Variants in ZNF385D observed in about 807,000 individuals in gnomAD.
ZNF385D encodes the protein zinc finger protein 385D.
In ZNF385D, 15 loss-of-function variants were observed where a neutral mutation model predicts 35.8. That is an observed-to-expected ratio of 0.42 (90% CI 0.28 to 0.64). The LOEUF is 0.64. ZNF385D is among the 30% of genes least tolerant of loss of function. ZNF385D has a pLI of 0.23. For missense variants in ZNF385D, 474 were observed against 494.6 expected, an observed-to-expected ratio of 0.96 and a Z score of 0.39; for synonymous variants, 212 against 186.8, an observed-to-expected ratio of 1.13 and a Z score of -1.10.
At chr3:22,123,224 G>C (rs1422028242) in intron 3 of ZNF385D, among the ~76,000 whole-genome samples, 2 of 152,106 alleles carry the variant, frequency 1.3e-5, no homozygotes, top group South Asian at 2.1e-4. Context: ...AAGCGGGGGA[G>C]ACTGAATTAC....
intron 2 of ZNF385D, among the ~76,000 whole-genome samples, chr3:22,371,065 G>A (rs984036779): frequency 1.3e-5 from 2 of 152,192 alleles, no homozygotes; most frequent in Non-Finnish European, 2.9e-5. Context: ...GGAAAGAAAT[G>A]TGAAGAAATT....
At chr3:22,110,667 T>A (rs1464220805) in intron 3 of ZNF385D, among the ~76,000 whole-genome samples, 1 of 151,674 alleles carries the variant, frequency 6.6e-6, no homozygotes, top group African/African-American at 2.4e-5. Flanking sequence ...AGGGACAGCA[T>A]TTGGAGATAC....
intron 4 of ZNF385D, among the ~76,000 whole-genome samples, chr3:21,472,245 T>C (rs933295159): frequency 2.0e-5 from 3 of 152,224 alleles, no homozygotes; most frequent in East Asian, 1.9e-4. Flanking sequence ...TTTAGAGTTA[T>C]ACAAAATAAA....
intron 2 of ZNF385D, among the ~76,000 whole-genome samples, chr3:22,172,065 G>C (rs1038018572): frequency 2.0e-5 from 3 of 152,102 alleles, no homozygotes; most frequent in African/African-American, 7.2e-5. Flanking sequence ...AAGTTCAGCA[G>C]TCATACATAA....
At chr3:21,811,338 G>A (rs889825934) in intron 3 of ZNF385D, among the ~76,000 whole-genome samples, 1 of 152,054 alleles carries the variant, frequency 6.6e-6, no homozygotes, top group Admixed American at 6.5e-5. Flanking sequence ...TGAATTTCAG[G>A]ACTGGGAGAG....
chr3:21,938,018 G>A (rs902882753), intron 3 of ZNF385D, among the ~76,000 whole-genome samples: 12 of 152,248 alleles, frequency 7.9e-5, no homozygotes, highest in African/African-American at 2.6e-4. Flanking sequence ...AACACAGTGC[G>A]AAATCTCTAC....
intron 3 of ZNF385D, among the ~76,000 whole-genome samples, chr3:22,099,262 T>C (rs1453452045): frequency 2.0e-5 from 3 of 152,202 alleles, no homozygotes; most frequent in African/African-American, 4.8e-5. Context: ...CCCACATATA[T>C]AAATACATCT....
At chr3:21,824,111 G>A (rs188515176) in intron 3 of ZNF385D, among the ~76,000 whole-genome samples, 83 of 152,126 alleles carry the variant, frequency 5.5e-4, no homozygotes, top group Admixed American at 8.5e-4. Flanking sequence ...CAACTGAAAA[G>A]AGATGACAAA....
At chr3:21,616,262 C>T (rs996166852) in intron 2 of ZNF385D, among the ~76,000 whole-genome samples, 4 of 152,020 alleles carry the variant, frequency 2.6e-5, no homozygotes, top group African/African-American at 4.8e-5. Flanking sequence ...TTTGAGAATC[C>T]GGGGTGACTA....
intron 3 of ZNF385D, among the ~76,000 whole-genome samples, chr3:21,838,570 G>A (rs980172783): frequency 1.3e-5 from 2 of 152,040 alleles, no homozygotes; most frequent in African/African-American, 4.8e-5. Context: ...AACAATAGCG[G>A]CTTTGAGTGT....
intron 3 of ZNF385D, among the ~76,000 whole-genome samples, chr3:22,064,351 T>A (rs1699829198): frequency 6.6e-6 from 1 of 152,130 alleles, no homozygotes; most frequent in Admixed American, 6.5e-5. Context: ...TGCATGGTGA[T>A]TTTGGGACAA....
intron 3 of ZNF385D, among the ~76,000 whole-genome samples, chr3:21,803,268 G>T (rs1317034221): frequency 6.6e-6 from 1 of 152,112 alleles, no homozygotes; most frequent in African/African-American, 2.4e-5. Flanking sequence ...AGGAAAACTG[G>T]TGTGCCCAAA....
At chr3:21,900,206 A>G (rs745406106) in intron 3 of ZNF385D, among the ~76,000 whole-genome samples, 1 of 152,224 alleles carries the variant, frequency 6.6e-6, no homozygotes, top group Non-Finnish European at 1.5e-5. Context: ...AAAGGGAAAC[A>G]TTGAATGTTG....
intron 3 of ZNF385D, among the ~76,000 whole-genome samples, chr3:21,762,826 TCTTGGACCAA>T (rs2070678063): frequency 6.6e-6 from 1 of 152,158 alleles, no homozygotes; most frequent in Non-Finnish European, 1.5e-5. Context: ...GGCCTATTCA[TCTTGGACCAA>T]CTTGGGGCAC....
intron 5 of ZNF385D, among the ~76,000 whole-genome samples, chr3:21,434,313 T>C (rs1447659931): frequency 2.0e-5 from 3 of 152,140 alleles, no homozygotes; most frequent in Non-Finnish European, 4.4e-5. Flanking sequence ...TGCCCTCAAA[T>C]CCTTGTCTCC....
At chr3:21,484,858 C>T (rs1177406412) in intron 4 of ZNF385D, among the ~76,000 whole-genome samples, 1 of 152,050 alleles carries the variant, frequency 6.6e-6, no homozygotes, top group Admixed American at 6.6e-5. Context: ...TTGTCTGAAC[C>T]CATTGGTACT....
intron 3 of ZNF385D, among the ~76,000 whole-genome samples, chr3:21,771,091 G>A (rs1301080198): frequency 1.3e-5 from 2 of 149,744 alleles, no homozygotes; most frequent in Non-Finnish European, 3.0e-5. Flanking sequence ...GGCCTGTTGT[G>A]GGGTCGGGGG....
Position 22,145,010 on chromosome 3 carries a change from A to G in ZNF385D, c.325+23807T>C, listed in dbSNP as rs367770013. Among the ~76,000 whole-genome samples, 958 of 149,116 alleles carry G rather than the reference A, an allele frequency of 6.4e-3. 10 individuals are homozygous for G. Among genetic ancestry groups the G allele is most frequent in the African/African-American group, 0.022 (888 of 40,530 alleles). ...TAGAAATACAGTGTTGAAGATACATATGTGTGTGTGTGTGTGTGTGTGTGT... is the reference window on the plus strand; with the variant it reads ...TAGAAATACAGTGTTGAAGATACATGTGTGTGTGTGTGTGTGTGTGTGTGT... On this transcript the variant is annotated intron_variant, in intron 3 of 5. Transcript: ENST00000494108.
At chr3:21,435,794 T>G (rs986660891) in intron 5 of ZNF385D, among the ~76,000 whole-genome samples, 3 of 152,202 alleles carry the variant, frequency 2.0e-5, no homozygotes, top group African/African-American at 7.2e-5. Flanking sequence ...AGATTCTACC[T>G]TAAGGCCAGG....
Sources: gnomAD v4.1 joint callset for allele counts (sites outside exome capture counted in the v4.1 genomes callset) on GRCh38, gnomAD v4.1.1 for gene constraint, MANE v1.5 for transcripts, NCBI Gene and HGNC (gene_info 2026-07-23, HGNC 2026-07-21) for gene names.